Variants in ADGRV1 observed in about 807,000 individuals in gnomAD.
ADGRV1 encodes the protein G-protein coupled receptor 98.
ADGRV1 carries 359 observed loss-of-function variants against 596.2 expected under a neutral mutation model. The observed-to-expected ratio is 0.60, with a 90% CI of 0.55 to 0.66. The LOEUF (loss-of-function observed/expected upper bound fraction) is 0.66. Ranked by LOEUF, ADGRV1 falls within the 30% of genes least tolerant of loss-of-function variation. The pLI is 0.00. For synonymous variants in ADGRV1, 2,681 were observed against 2,679.2 expected, an observed-to-expected ratio of 1.00 and a Z score of -0.02; for missense variants, 7,274 against 7,575.6, an observed-to-expected ratio of 0.96 and a Z score of 1.48.
At chr5:90,721,206 A>G in intron 45 of ADGRV1, 147 bp downstream of exon 45, 6 of 718,072 alleles carry the variant, frequency 8.4e-6, no homozygotes, top group South Asian at 2.0e-5. Flanking sequence ...ATCTATAAAT[A>G]TGTGTTGAGG....
At chr5:90,792,517 C>T (rs1760198710) in intron 70 of ADGRV1, 1 of 152,090 alleles carries the variant, frequency 6.6e-6, no homozygotes, top group African/African-American at 2.4e-5. Flanking sequence ...TACAATATGT[C>T]CTCAGTTAAT....
At chr5:90,659,230 G>C (rs1470364269) in intron 21 of ADGRV1, among the ~76,000 whole-genome samples, 2 of 152,078 alleles carry the variant, frequency 1.3e-5, no homozygotes, top group Non-Finnish European at 2.9e-5. Context: ...TCTACAACTT[G>C]AAAAGAAAGA....
intron 88 of ADGRV1, 49 bp downstream of exon 88, chr5:91,150,270 T>TCG (rs775716638): frequency 7.5e-7 from 1 of 1,337,060 alleles, no homozygotes; most frequent in East Asian, 2.5e-5. Flanking sequence ...TCTGTCTCTC[T>TCG]CTCTCTCTCT....
chr5:90,622,381 G>C (rs1764202000), intron 4 of ADGRV1, among the ~76,000 whole-genome samples: 1 of 152,292 alleles, frequency 6.6e-6, no homozygotes, highest in South Asian at 2.1e-4. Flanking sequence ...CACATCTTTT[G>C]CCTGACTAGT....
rs1004211167 is a variant in ADGRV1, at chr5:90,783,119, T to G, written c.13232-5T>G. ...TTACCAATTAATTCCAAGTTCCCAT[T>G]ACAGTGGAGGAAGATGTTGGGCTGA... On this transcript the variant is annotated splice_polypyrimidine_tract_variant and splice_region_variant and intron_variant, in intron 65 of 89. Coordinates refer to ENST00000405460, the MANE Select transcript of ADGRV1 (RefSeq NM_032119.4). 3 of 1,611,938 alleles carry G rather than the reference T, an allele frequency of 1.9e-6. No homozygotes were observed. Among genetic ancestry groups the G allele is most frequent in the Admixed American group, 3.3e-5 (2 of 59,992 alleles).
chr5:91,164,282 A>G lies in ADGRV1; in HGVS notation c.*382A>G, dbSNP rs1025920097. The G allele has an allele frequency of 1.6e-5, 5 of 313,530 alleles. No individual in the cohort carries two copies. Among genetic ancestry groups the G allele is most frequent in the Non-Finnish European group, 6.3e-6 (1 of 159,090 alleles). 19.4% of individuals were successfully genotyped at this position (313,530 alleles called of 1,614,324 possible). A position where few individuals can be genotyped will look rare whatever the true frequency, so the allele number is the denominator to read the frequency against. On this transcript the variant is annotated 3_prime_UTR_variant, in exon 90 of 90. Transcript: ENST00000405460. ...TGCATGGGCAAAAAAAGCTAACTCT[A>G]TATGTAGATGATGACAAGCACCCTG...
chr5:90,700,539 A>G (rs1241034423), intron 34 of ADGRV1, among the ~76,000 whole-genome samples: 2 of 152,184 alleles, frequency 1.3e-5, no homozygotes, highest in Admixed American at 6.5e-5. Flanking sequence ...CACACTGGGT[A>G]TAAATGTGCT....
intron 24 of ADGRV1, 97 bp from the exon 25 acceptor site, chr5:90,675,983 C>T (rs1189221295): frequency 5.2e-6 from 5 of 968,134 alleles, no homozygotes; most frequent in African/African-American, 1.7e-5. Context: ...TGGGATATAA[C>T]AAACATTCTG....
intron 87 of ADGRV1, among the ~76,000 whole-genome samples, chr5:91,119,996 G>T (rs1217692681): frequency 6.6e-6 from 1 of 152,198 alleles, no homozygotes; most frequent in Non-Finnish European, 1.5e-5. Flanking sequence ...CAGGCAAGTA[G>T]AAAAAGTGTA....
intron 85 of ADGRV1, among the ~76,000 whole-genome samples, chr5:91,031,519 G>A (rs1011775932): frequency 6.6e-6 from 1 of 152,198 alleles, no homozygotes; most frequent in African/African-American, 2.4e-5. Context: ...TCACCAGGCT[G>A]GGAGAAAGGT....
intron 87 of ADGRV1, among the ~76,000 whole-genome samples, chr5:91,117,084 G>C (rs1214770966): frequency 6.6e-6 from 1 of 151,896 alleles, no homozygotes. Context: ...CATTTAAAAA[G>C]GTTTGCAAGA....
At chr5:91,067,279 GAT>G (rs979497166) in intron 85 of ADGRV1, among the ~76,000 whole-genome samples, 3 of 151,994 alleles carry the variant, frequency 2.0e-5, no homozygotes, top group African/African-American at 7.3e-5. Flanking sequence ...GAGTAGCTGG[GAT>G]TAAAAGCATG....
chr5:90,669,196 T>A (rs543195908), intron 21 of ADGRV1, among the ~76,000 whole-genome samples: 1 of 152,338 alleles, frequency 6.6e-6, no homozygotes, highest in Non-Finnish European at 1.5e-5. Flanking sequence ...CATTTGCTCA[T>A]GTACCATTCG....
intron 85 of ADGRV1, among the ~76,000 whole-genome samples, chr5:90,989,762 C>G (rs956327439): frequency 7.2e-5 from 11 of 152,202 alleles, no homozygotes; most frequent in Non-Finnish European, 1.3e-4. Flanking sequence ...TTCCCACTCT[C>G]CTCCCTTGTT....
intron 72 of ADGRV1, among the ~76,000 whole-genome samples, chr5:90,806,120 A>C (rs1039562543): frequency 6.6e-6 from 1 of 152,116 alleles, no homozygotes; most frequent in Non-Finnish European, 1.5e-5. Context: ...GAAAGGAGGG[A>C]ATGATTTTCA....
chr5:90,801,653 A>G (rs1022824399), intron 70 of ADGRV1, among the ~76,000 whole-genome samples: 2 of 152,084 alleles, frequency 1.3e-5, no homozygotes, highest in Admixed American at 6.5e-5. Flanking sequence ...ATATTTTGCA[A>G]ATTTGAGGAT....
chr5:90,958,537 TTAA>T (rs936458174), intron 83 of ADGRV1, among the ~76,000 whole-genome samples: 1 of 133,650 alleles, frequency 7.5e-6, no homozygotes, highest in African/African-American at 3.1e-5. Context: ...CTGGATGGCT[TTAA>T]CAACACTAAT....
intron 77 of ADGRV1, among the ~76,000 whole-genome samples, chr5:90,833,870 T>G (rs979240236): frequency 6.6e-6 from 1 of 152,148 alleles, no homozygotes; most frequent in Non-Finnish European, 1.5e-5. Flanking sequence ...CCTTTCCAAT[T>G]TGGATGGACT....
chr5:90,657,263 A>G (rs549788736), intron 20 of ADGRV1, among the ~76,000 whole-genome samples: 4 of 151,512 alleles, frequency 2.6e-5, no homozygotes, highest in South Asian at 4.2e-4. Context: ...CTCTACAAAA[A>G]AAACAAAACA....
Sources: allele counts gnomAD v4.1 joint callset (sites outside exome capture counted in the v4.1 genomes callset), GRCh38; gene constraint gnomAD v4.1.1; transcripts MANE v1.5; gene names NCBI Gene and HGNC (gene_info 2026-07-23, HGNC 2026-07-21).